Variants in SLC24A2 observed in about 807,000 individuals in gnomAD.
SLC24A2 encodes the protein solute carrier family 24 member 2, also known as sodium/potassium/calcium exchanger 2.
In SLC24A2, 36 loss-of-function variants were observed where a neutral mutation model predicts 62.0. The observed-to-expected ratio is 0.58, with a 90% CI of 0.44 to 0.77. The LOEUF is 0.77. SLC24A2 is among the 30% of genes least tolerant of loss of function. The pLI, the probability that SLC24A2 is intolerant of heterozygous loss-of-function variation, is 0.00. For missense variants in SLC24A2, 846 were observed against 817.9 expected (o/e 1.03, Z -0.42); for synonymous variants, 358 against 294.0 (o/e 1.22, Z -2.23).
the SLC24A2 span, among the ~76,000 whole-genome samples, chr9:20,016,201 A>T: frequency 6.6e-6 from 1 of 152,136 alleles, no homozygotes; most frequent in African/African-American, 2.4e-5. Flanking sequence ...TGGGACCAAA[A>T]TATTATTTTT....
the SLC24A2 span, among the ~76,000 whole-genome samples, chr9:20,071,708 CA>C: frequency 1.5e-4 from 23 of 152,188 alleles, no homozygotes; most frequent in South Asian, 4.8e-3. Flanking sequence ...ACCAAGCCCC[CA>C]ACCTGTGGAA....
chr9:20,129,340 G>A, the SLC24A2 span, among the ~76,000 whole-genome samples: 2 of 152,238 alleles, frequency 1.3e-5, no homozygotes, highest in East Asian at 3.9e-4. Flanking sequence ...AAACATTGCT[G>A]GTGGAAATGT....
At chr9:19,651,146 T>C (rs1818790181) in intron 2 of SLC24A2, among the ~76,000 whole-genome samples, 1 of 152,194 alleles carries the variant, frequency 6.6e-6, no homozygotes. Flanking sequence ...GCAGTTATCC[T>C]ATGGTATGCA....
the SLC24A2 span, among the ~76,000 whole-genome samples, chr9:20,090,561 A>T: frequency 3.9e-5 from 6 of 152,254 alleles, no homozygotes; most frequent in East Asian, 1.2e-3. Flanking sequence ...ACTGGATCAC[A>T]CCGTCAAACC....
the SLC24A2 span, among the ~76,000 whole-genome samples, chr9:20,042,950 T>A: frequency 6.6e-6 from 1 of 152,190 alleles, no homozygotes; most frequent in Non-Finnish European, 1.5e-5. Flanking sequence ...TTTTAATGGC[T>A]CCAATGACTG....
the SLC24A2 span, among the ~76,000 whole-genome samples, chr9:19,911,569 C>G: frequency 6.6e-6 from 1 of 152,130 alleles, no homozygotes; most frequent in Non-Finnish European, 1.5e-5. Flanking sequence ...AATCAGGCAT[C>G]AGATAAGCCT....
chr9:19,759,234 C>T (rs1028468580), intron 2 of SLC24A2, among the ~76,000 whole-genome samples: 13 of 152,144 alleles, frequency 8.5e-5, no homozygotes, highest in African/African-American at 3.1e-4. Context: ...AACCTAAATA[C>T]CAGAGAATCT....
chr9:19,555,689 A>C (rs1835056235), intron 7 of SLC24A2, among the ~76,000 whole-genome samples: 1 of 152,232 alleles, frequency 6.6e-6, no homozygotes, highest in South Asian at 2.1e-4. Context: ...TCACACCTGT[A>C]ATCCCAGCAC....
At chr9:20,168,389 C>CA in the SLC24A2 span, among the ~76,000 whole-genome samples, 2 of 151,700 alleles carry the variant, frequency 1.3e-5, no homozygotes, top group Admixed American at 1.3e-4. Context: ...ACAACTTCAT[C>CA]AAATTATCAG....
intron 2 of SLC24A2, among the ~76,000 whole-genome samples, chr9:19,766,383 GT>G (rs1822515808): frequency 1.3e-5 from 2 of 152,188 alleles, no homozygotes; most frequent in Non-Finnish European, 2.9e-5. Context: ...AGGCATTCTG[GT>G]TTTTGGAATT....
chr9:20,154,192 G>C, the SLC24A2 span, among the ~76,000 whole-genome samples: 1 of 151,796 alleles, frequency 6.6e-6, no homozygotes, highest in Non-Finnish European at 1.5e-5. Context: ...CACCTATCTA[G>C]AAACTTCCAT....
chr9:20,275,588 C>G, the SLC24A2 span, among the ~76,000 whole-genome samples: 1 of 152,180 alleles, frequency 6.6e-6, no homozygotes, highest in Admixed American at 6.5e-5. Context: ...CCTCATGTCT[C>G]TATATCCAGG....
the SLC24A2 span, among the ~76,000 whole-genome samples, chr9:19,960,739 G>A: frequency 6.6e-6 from 1 of 152,050 alleles, no homozygotes; most frequent in South Asian, 2.1e-4. Flanking sequence ...TGTGATCTTA[G>A]GCAAATCACA....
At chr9:19,622,423 G>A in intron 2 of SLC24A2, 124 bp from the exon 3 acceptor site, 1 of 992,868 alleles carries the variant, frequency 1.0e-6, no homozygotes, top group Non-Finnish European at 1.5e-6. Flanking sequence ...CTGCTCCTGG[G>A]ATGAGTTAAG....
the SLC24A2 span, among the ~76,000 whole-genome samples, chr9:19,877,373 GTTTGGCTC>G: frequency 7.1e-6 from 1 of 139,990 alleles, no homozygotes; most frequent in Non-Finnish European, 1.6e-5. Flanking sequence ...AAACTATGGA[GTTTGGCTC>G]CATAGTTTAG....
chr9:19,814,397 T>C, the SLC24A2 span, among the ~76,000 whole-genome samples: 3 of 152,086 alleles, frequency 2.0e-5, no homozygotes, highest in Non-Finnish European at 4.4e-5. Context: ...GTTGCCAGAA[T>C]CCACCTCTGA....
intron 2 of SLC24A2, among the ~76,000 whole-genome samples, chr9:19,718,707 T>C (rs1375071947): frequency 6.6e-6 from 1 of 152,150 alleles, no homozygotes; most frequent in Non-Finnish European, 1.5e-5. Context: ...GGACACTGAA[T>C]GACTAGACCT....
intron 2 of SLC24A2, among the ~76,000 whole-genome samples, chr9:19,690,925 G>GAGAC (rs1820027767): frequency 6.6e-6 from 1 of 151,798 alleles, no homozygotes; most frequent in Non-Finnish European, 1.5e-5. Flanking sequence ...GTGTGAGAGA[G>GAGAC]AGAGAGAGAG....
the SLC24A2 span, among the ~76,000 whole-genome samples, chr9:20,262,074 A>G: frequency 6.6e-6 from 1 of 152,154 alleles, no homozygotes; most frequent in Admixed American, 6.5e-5. Flanking sequence ...TAAACAAAAG[A>G]CAACATTGCT....
Sources: gnomAD v4.1 joint callset for allele counts (sites outside exome capture counted in the v4.1 genomes callset) on GRCh38, gnomAD v4.1.1 for gene constraint, MANE v1.5 for transcripts, NCBI Gene and HGNC (gene_info 2026-07-23, HGNC 2026-07-21) for gene names.